Variants in LRP1B observed in about 807,000 individuals in gnomAD.
LRP1B encodes LDL receptor related protein 1B.
LRP1B carries 217 observed loss-of-function variants against 556.6 expected under a neutral mutation model. The ratio of observed to expected loss-of-function variants is 0.39; its 90% CI spans 0.35 to 0.44. The LOEUF (loss-of-function observed/expected upper bound fraction) is 0.44, where lower values mean the gene tolerates loss of function less well. LRP1B is among the 20% of genes least tolerant of loss of function. The pLI, the probability that LRP1B is intolerant of heterozygous loss-of-function variation, is 1.00. For missense variants in LRP1B, 5,053 were observed against 5,620.8 expected, an observed-to-expected ratio of 0.90 and a Z score of 3.23; for synonymous variants, 2,047 against 1,865.8, an observed-to-expected ratio of 1.10 and a Z score of -2.50.
intron 3 of LRP1B, among the ~76,000 whole-genome samples, chr2:141,369,120 C>T (rs769163571): frequency 2.1e-4 from 32 of 151,946 alleles, no homozygotes; most frequent in Non-Finnish European, 1.3e-4. Context: ...AACATCAGGA[C>T]CAAGCCCCAC....
At chr2:140,875,872 ATAATTATAAT>A (rs1316028046) in intron 25 of LRP1B, among the ~76,000 whole-genome samples, 17 of 152,172 alleles carry the variant, frequency 1.1e-4, no homozygotes, top group Admixed American at 6.6e-5. Context: ...ATTATCAGTA[ATAATTATAAT>A]TGTTATATTA....
intron 25 of LRP1B, among the ~76,000 whole-genome samples, chr2:140,882,430 A>G (rs1693503365): frequency 1.3e-5 from 2 of 152,220 alleles, no homozygotes; most frequent in African/African-American, 4.8e-5. Context: ...ATATACTTCC[A>G]GGCTAAGAGA....
intron 68 of LRP1B, among the ~76,000 whole-genome samples, chr2:140,377,801 G>A (rs144900100): frequency 5.3e-5 from 8 of 152,258 alleles, no homozygotes; most frequent in African/African-American, 1.7e-4. Flanking sequence ...TGAAGAAAGA[G>A]ACTGGGGAGA....
intron 3 of LRP1B, among the ~76,000 whole-genome samples, chr2:141,440,844 G>T (rs900821277): frequency 6.6e-6 from 1 of 152,050 alleles, no homozygotes; most frequent in Non-Finnish European, 1.5e-5. Flanking sequence ...TCTCAAAAGG[G>T]GCAACTTTAA....
At chr2:141,775,757 A>T (rs1279312907) in intron 2 of LRP1B, among the ~76,000 whole-genome samples, 1 of 151,768 alleles carries the variant, frequency 6.6e-6, no homozygotes, top group Admixed American at 6.6e-5. Context: ...TATTCTAAAA[A>T]CTCTTCTCTA....
chr2:141,800,110 G>A (rs1373565778), intron 2 of LRP1B, among the ~76,000 whole-genome samples: 1 of 151,972 alleles, frequency 6.6e-6, no homozygotes, highest in Non-Finnish European at 1.5e-5. Context: ...TCATATAGTA[G>A]TCACTCAATT....
At chr2:141,689,041 T>G (rs917909488) in intron 2 of LRP1B, among the ~76,000 whole-genome samples, 2 of 151,994 alleles carry the variant, frequency 1.3e-5, no homozygotes, top group African/African-American at 4.8e-5. Flanking sequence ...ATTAAAGTGC[T>G]GTCTCTCCCT....
chr2:140,629,397 C>G (rs1292088959), intron 41 of LRP1B, among the ~76,000 whole-genome samples: 1 of 152,036 alleles, frequency 6.6e-6, no homozygotes, highest in Non-Finnish European at 1.5e-5. Context: ...AATTCCAGAA[C>G]AGACTAATAC....
chr2:141,491,366 A>T (rs1683329486), intron 2 of LRP1B, among the ~76,000 whole-genome samples: 1 of 152,192 alleles, frequency 6.6e-6, no homozygotes, highest in Non-Finnish European at 1.5e-5. Context: ...TTTAAGAAAA[A>T]CTTAGGAAGC....
At chr2:142,117,661 G>A (rs536722447) in intron 1 of LRP1B, among the ~76,000 whole-genome samples, 1 of 151,880 alleles carries the variant, frequency 6.6e-6, no homozygotes, top group African/African-American at 2.4e-5. Flanking sequence ...CTGTGTATGT[G>A]TTTTCTGCTT....
At chr2:140,688,598 T>C (rs1686131127) in intron 41 of LRP1B, among the ~76,000 whole-genome samples, 1 of 152,210 alleles carries the variant, frequency 6.6e-6, no homozygotes, top group South Asian at 2.1e-4. Context: ...CCATATATGT[T>C]TGCAGCCCAT....
At chr2:140,397,567 T>C (rs1324782445) in intron 66 of LRP1B, among the ~76,000 whole-genome samples, 2 of 152,178 alleles carry the variant, frequency 1.3e-5, no homozygotes, top group Non-Finnish European at 2.9e-5. Flanking sequence ...CCATGGCGTG[T>C]TTCTGACTAT....
chr2:141,776,508 G>A (rs984797190), intron 2 of LRP1B, among the ~76,000 whole-genome samples: 1 of 152,178 alleles, frequency 6.6e-6, no homozygotes, highest in Non-Finnish European at 1.5e-5. Flanking sequence ...TTCCTGAACA[G>A]TAGAGGAAAT....
intron 2 of LRP1B, among the ~76,000 whole-genome samples, chr2:141,712,907 T>C (rs894681464): frequency 6.8e-6 from 1 of 147,258 alleles, no homozygotes; most frequent in African/African-American, 2.6e-5. Context: ...CTCTAACTCC[T>C]GACCTCATGA....
intron 20 of LRP1B, among the ~76,000 whole-genome samples, chr2:140,925,932 G>A (rs1694871252): frequency 6.6e-6 from 1 of 151,740 alleles, no homozygotes. Context: ...TTTTCCATTT[G>A]CTTTGTTTGC....
intron 50 of LRP1B, among the ~76,000 whole-genome samples, chr2:140,515,449 T>C (rs948920198): frequency 6.6e-6 from 1 of 151,962 alleles, no homozygotes; most frequent in Non-Finnish European, 1.5e-5. Flanking sequence ...TTGTTATTGC[T>C]CTCCTCCATT....
At chr2:141,324,114 T>TCACACACA (rs113196488) in intron 3 of LRP1B, among the ~76,000 whole-genome samples, 9 of 66,738 alleles carry the variant, frequency 1.3e-4, no homozygotes, top group Non-Finnish European at 2.2e-4. Context: ...AACAAAGAAA[T>TCACACACA]CACACACACA....
chr2:141,729,052 G>A (rs550770316), intron 2 of LRP1B, among the ~76,000 whole-genome samples: 3 of 152,038 alleles, frequency 2.0e-5, no homozygotes, highest in East Asian at 1.9e-4. Context: ...TGTTCATTCC[G>A]CTTATTACAG....
At chr2:141,291,485 A>G (rs1358243438) in intron 3 of LRP1B, among the ~76,000 whole-genome samples, 1 of 152,108 alleles carries the variant, frequency 6.6e-6, no homozygotes, top group African/African-American at 2.4e-5. Flanking sequence ...CCACAGTCAC[A>G]TATTTTAAGG....
Sources: allele counts gnomAD v4.1 joint callset (sites outside exome capture counted in the v4.1 genomes callset), GRCh38; gene constraint gnomAD v4.1.1; transcripts MANE v1.5; gene names NCBI Gene and HGNC (gene_info 2026-07-23, HGNC 2026-07-21).